The following PHLPP2 variants were observed in gnomAD, a reference collection of about 807,000 sequenced individuals.
PHLPP2 encodes the protein PH domain leucine-rich repeat-containing protein phosphatase 2.
PHLPP2 carries 66 observed loss-of-function variants against 124.9 expected under a neutral mutation model. The observed-to-expected ratio is 0.53, with a 90% CI of 0.43 to 0.65. The LOEUF (loss-of-function observed/expected upper bound fraction) is 0.65, where lower values mean the gene tolerates loss of function less well. PHLPP2 is among the 30% of genes least tolerant of loss of function. PHLPP2 has a pLI of 0.00. For synonymous variants in PHLPP2, 681 were observed against 624.7 expected (o/e 1.09, Z -1.34); for missense variants, 1,685 against 1,600.4 (o/e 1.05, Z -0.90).
At chr16:71,663,866 A>G (rs1476237402) in intron 13 of PHLPP2, 33 bp downstream of exon 13, 1 of 1,487,814 alleles carries the variant, frequency 6.7e-7, no homozygotes, top group South Asian at 1.1e-5. Context: ...AATGTTGTGT[A>G]TTTGAAATGA....
intron 3 of PHLPP2, among the ~76,000 whole-genome samples, chr16:71,694,832 T>G (rs2045152793): frequency 6.6e-6 from 1 of 152,118 alleles, no homozygotes; most frequent in Non-Finnish European, 1.5e-5. Context: ...TCGCCCAGGC[T>G]GGAGTGCAGT....
chr16:71,682,850 T>C (rs549444274), intron 5 of PHLPP2, among the ~76,000 whole-genome samples: 28 of 152,180 alleles, frequency 1.8e-4, no homozygotes, highest in Admixed American at 1.7e-3. Context: ...TAAAAATTGA[T>C]CTAAAAAAAG....
intron 10 of PHLPP2, among the ~76,000 whole-genome samples, chr16:71,670,611 G>C (rs906882491): frequency 8.3e-6 from 1 of 120,748 alleles, no homozygotes; most frequent in Non-Finnish European, 1.9e-5. Context: ...TAAGAAAATA[G>C]TTAGGGGGAT....
Position 71,658,186 on chromosome 16 carries a change from TG to T in PHLPP2, c.2279+46del, listed in dbSNP as rs764162218. On this transcript the variant is annotated intron_variant, in intron 15 of 18. Coordinates refer to ENST00000568954, the MANE Select transcript of PHLPP2 (RefSeq NM_015020.3). ...GTACTAAGGAAGACCTACACATGGCTGGTGGGCTAAGAGCACATAGAGATTC... is the reference window on the plus strand; with the variant it reads ...GTACTAAGGAAGACCTACACATGGCTGTGGGCTAAGAGCACATAGAGATTC... 13 of 1,559,688 alleles carry T rather than the reference TG, an allele frequency of 8.3e-6. No homozygotes were observed. In the Middle Eastern group the frequency reaches 5.1e-4, roughly 61 times the overall value.
At chr16:71,717,935 A>G (rs1027000459) in intron 1 of PHLPP2, among the ~76,000 whole-genome samples, 1 of 152,212 alleles carries the variant, frequency 6.6e-6, no homozygotes, top group African/African-American at 2.4e-5. Context: ...TCTGTCACCC[A>G]GCCTGGACTA....
intron 1 of PHLPP2, chr16:71,715,022 A>C: frequency 5.2e-6 from 3 of 576,498 alleles, no homozygotes; most frequent in Middle Eastern, 4.7e-4. Context: ...ATCTTCGTTG[A>C]CCTCTCTTTT....
At chr16:71,672,396 T>G (rs1464338193) in intron 9 of PHLPP2, 74 bp from the exon 10 acceptor site, 3 of 1,065,180 alleles carry the variant, frequency 2.8e-6, no homozygotes, top group Non-Finnish European at 4.3e-6. Context: ...AATGGAAAAG[T>G]AGCTTAGTGA....
At chr16:71,675,811 C>A (rs2044940475) in intron 9 of PHLPP2, among the ~76,000 whole-genome samples, 1 of 152,178 alleles carries the variant, frequency 6.6e-6, no homozygotes, top group South Asian at 2.1e-4. Context: ...GTAACCTCTG[C>A]CTTCCAGGCT....
At chr16:71,669,025 CAA>C (rs2044865985) in intron 11 of PHLPP2, among the ~76,000 whole-genome samples, 1 of 152,188 alleles carries the variant, frequency 6.6e-6, no homozygotes, top group South Asian at 2.1e-4. Flanking sequence ...CCTATGGCAG[CAA>C]CTCTTAGTGT....
intron 2 of PHLPP2, among the ~76,000 whole-genome samples, chr16:71,705,571 G>T (rs1054815442): frequency 6.6e-6 from 1 of 151,920 alleles, no homozygotes; most frequent in South Asian, 2.1e-4. Flanking sequence ...GAGTGCAGTG[G>T]TGCGATCTTG....
chr16:71,723,849 C>T, intron 1 of PHLPP2: 17 of 1,218,190 alleles, frequency 1.4e-5, no homozygotes, highest in Non-Finnish European at 1.7e-5. Flanking sequence ...CCCGCGGGCC[C>T]CGGCTCCACC....
intron 17 of PHLPP2, among the ~76,000 whole-genome samples, chr16:71,654,409 G>A (rs889639006): frequency 1.3e-5 from 2 of 152,052 alleles, no homozygotes; most frequent in East Asian, 3.9e-4. Context: ...TCACGATGGT[G>A]CAAAAGCAAT....
At chr16:71,715,057 A>G (rs571426077) in intron 1 of PHLPP2, 24 of 482,378 alleles carry the variant, frequency 5.0e-5, no homozygotes, top group African/African-American at 4.3e-4. Context: ...AAACGTGTCA[A>G]GAATAACGAA....
intron 3 of PHLPP2, among the ~76,000 whole-genome samples, chr16:71,700,264 G>A (rs917296461): frequency 5.9e-5 from 9 of 151,964 alleles, no homozygotes; most frequent in African/African-American, 2.2e-4. Context: ...AATTAGCCAG[G>A]TGCAGTGGTG....
Position 71,655,440 on chromosome 16 carries a change from A to C in PHLPP2, c.2391-6T>G. 1 of 1,600,720 alleles carries C rather than the reference A, an allele frequency of 6.2e-7. No homozygotes were observed. Among genetic ancestry groups the C allele is most frequent in the Non-Finnish European group, 8.5e-7 (1 of 1,170,920 alleles). On this transcript the variant is annotated splice_polypyrimidine_tract_variant and splice_region_variant and intron_variant, in intron 16 of 18. Transcript: ENST00000568954. Reference sequence around the variant, plus strand: ...CAAGTGCTGAGACACACAGCCTATAATAGAAACATGAAAACAGAAAACAGA... The same window carrying C: ...CAAGTGCTGAGACACACAGCCTATACTAGAAACATGAAAACAGAAAACAGA...
At chr16:71,695,743 G>C (rs1045494425) in intron 3 of PHLPP2, among the ~76,000 whole-genome samples, 1 of 150,258 alleles carries the variant, frequency 6.7e-6, no homozygotes, top group Admixed American at 6.6e-5. Flanking sequence ...GCATACAGAA[G>C]ATGGTTCTGC....
At position 71,646,980 on chromosome 16, in the gene PHLPP2, G is replaced by A. The variant is rs1053570846; in HGVS notation, c.*1910C>T. 1.3e-5 allele frequency: 2 copies of A among 152,526 alleles called. No individual in the cohort carries two copies. Among genetic ancestry groups the A allele is most frequent in the African/African-American group, 2.4e-5 (1 of 41,418 alleles). 9.4% of individuals were successfully genotyped at this position (152,526 alleles called of 1,614,324 possible). ...ATGAGCATGGGGCCTCTGAGAAGATGAAGACACATAATTATTATGGACAGG... is the reference window on the plus strand; with the variant it reads ...ATGAGCATGGGGCCTCTGAGAAGATAAAGACACATAATTATTATGGACAGG... On this transcript the variant is annotated 3_prime_UTR_variant, in exon 19 of 19. Coordinates refer to ENST00000568954, the MANE Select transcript of PHLPP2 (RefSeq NM_015020.3).
intron 1 of PHLPP2, among the ~76,000 whole-genome samples, chr16:71,720,420 G>A (rs1250629942): frequency 2.6e-5 from 4 of 152,088 alleles, no homozygotes; most frequent in Non-Finnish European, 5.9e-5. Flanking sequence ...GCCCAGCCCA[G>A]TTTTATACTT....
chr16:71,716,783 T>C (rs2045365877), intron 1 of PHLPP2, among the ~76,000 whole-genome samples: 1 of 152,226 alleles, frequency 6.6e-6, no homozygotes, highest in Non-Finnish European at 1.5e-5. Context: ...CTATGGAGCC[T>C]TCCATATCTC....
Sources: gnomAD v4.1 joint callset for allele counts (sites outside exome capture counted in the v4.1 genomes callset) on GRCh38, gnomAD v4.1.1 for gene constraint, MANE v1.5 for transcripts, NCBI Gene and HGNC (gene_info 2026-07-23, HGNC 2026-07-21) for gene names.